DEPDC1B: variants seen among roughly 807,000 people sequenced by gnomAD.
DEPDC1B encodes the protein DEP domain-containing protein 1B.
DEPDC1B carries 51 observed loss-of-function variants against 66.5 expected under a neutral mutation model. The ratio of observed to expected loss-of-function variants is 0.77; its 90% CI spans 0.61 to 0.97. The LOEUF is 0.97. Ranked by LOEUF, DEPDC1B falls within the 50% of genes least tolerant of loss-of-function variation. DEPDC1B has a pLI of 0.00. For missense variants in DEPDC1B, 552 were observed against 637.1 expected, an observed-to-expected ratio of 0.87 and a Z score of 1.44; for synonymous variants, 226 against 223.6, an observed-to-expected ratio of 1.01 and a Z score of -0.10.
At chr5:60,687,325 T>A in intron 1 of DEPDC1B, 98 bp from the exon 2 acceptor site, 1 of 1,365,782 alleles carries the variant, frequency 7.3e-7, no homozygotes, top group Non-Finnish European at 1.0e-6. Context: ...TTTTTCCACT[T>A]AAACTGCTTT....
At chr5:60,621,445 C>T (rs1554052094) in intron 7 of DEPDC1B, among the ~76,000 whole-genome samples, 1 of 151,590 alleles carries the variant, frequency 6.6e-6, no homozygotes, top group Non-Finnish European at 1.5e-5. Flanking sequence ...ATCGCAGGGA[C>T]AAAAAACCAA....
intron 1 of DEPDC1B, among the ~76,000 whole-genome samples, chr5:60,688,104 G>C (rs13174409): frequency 1.1e-4 from 16 of 152,024 alleles, no homozygotes; most frequent in Non-Finnish European, 2.1e-4. Flanking sequence ...AGGCATTGTA[G>C]GAGGAGGAGG....
At chr5:60,647,337 A>G in intron 3 of DEPDC1B, 61 bp downstream of exon 3, 1 of 1,522,056 alleles carries the variant, frequency 6.6e-7, no homozygotes, top group Non-Finnish European at 8.8e-7. Context: ...GACCAAGCCT[A>G]GGAGTTCATG....
intron 3 of DEPDC1B, among the ~76,000 whole-genome samples, chr5:60,646,302 C>T (rs4515250): frequency 0.74 from 112,401 of 152,096 alleles, 42,642 homozygotes; most frequent in African/African-American, 0.92. Flanking sequence ...TCTACCTTTG[C>T]TTATATATTT....
At chr5:60,670,331 G>A (rs1019422829) in intron 2 of DEPDC1B, among the ~76,000 whole-genome samples, 4 of 152,214 alleles carry the variant, frequency 2.6e-5, no homozygotes, top group East Asian at 1.9e-4. Flanking sequence ...CTGAGATCGC[G>A]CCACTGCACT....
intron 1 of DEPDC1B, among the ~76,000 whole-genome samples, chr5:60,696,295 C>T (rs1754654259): frequency 6.6e-6 from 1 of 152,158 alleles, no homozygotes; most frequent in Non-Finnish European, 1.5e-5. Flanking sequence ...TCTAATAAAA[C>T]ATCTTTATCA....
At position 60,645,562 on chromosome 5, in the gene DEPDC1B, G is replaced by A. The variant is rs940459360; in HGVS notation, c.508C>T (p.Arg170Cys). ...GTCAGCTGTCTGCGGTGGACAAGAC[G>A]GCAAGCTGGCACCTCTCCAATTGCA... The part of the protein sequence containing the change: ...SIAIGEVPAC[R>C]LVHRRQLTEA... The change falls in exon 4 of 11, where the codon CGT becomes TGT. Residue 170 changes from arginine to cysteine, a missense_variant. Physicochemically the swap from Arg to Cys is radical, Grantham distance 180. Coordinates refer to ENST00000265036, the MANE Select transcript of DEPDC1B (RefSeq NM_018369.3). The A allele has an allele frequency of 2.1e-5, 34 of 1,612,694 alleles. No individual in the cohort carries two copies. Among genetic ancestry groups the A allele is most frequent in the East Asian group, 1.6e-4 (7 of 44,820 alleles).
intron 9 of DEPDC1B, among the ~76,000 whole-genome samples, chr5:60,602,872 T>C (rs866771942): frequency 2.0e-5 from 3 of 152,360 alleles, no homozygotes; most frequent in Middle Eastern, 3.4e-3. Flanking sequence ...CAGGGATTCA[T>C]GGCTCTCATG....
At chr5:60,683,587 T>C (rs1390984994) in intron 2 of DEPDC1B, among the ~76,000 whole-genome samples, 1 of 151,990 alleles carries the variant, frequency 6.6e-6, no homozygotes, top group Admixed American at 6.6e-5. Flanking sequence ...ACAAAAACTC[T>C]CCATAACTTA....
chr5:60,611,187 T>G (rs1752407935), intron 7 of DEPDC1B, among the ~76,000 whole-genome samples: 1 of 152,218 alleles, frequency 6.6e-6, no homozygotes, highest in Non-Finnish European at 1.5e-5. Flanking sequence ...TATTATGACC[T>G]ATGATCAATA....
intron 1 of DEPDC1B, among the ~76,000 whole-genome samples, chr5:60,698,672 T>TA (rs893010095): frequency 6.8e-5 from 10 of 146,042 alleles, no homozygotes; most frequent in Non-Finnish European, 1.2e-4. Context: ...CCTTATTATT[T>TA]TTTTTTTTTT....
intron 7 of DEPDC1B, among the ~76,000 whole-genome samples, chr5:60,627,620 G>A (rs1356579545): frequency 5.9e-5 from 9 of 151,912 alleles, no homozygotes; most frequent in Admixed American, 5.9e-4. Flanking sequence ...TTGCCCCAAA[G>A]GTAACTTGTT....
At position 60,599,594 on chromosome 5, in the gene DEPDC1B, C is replaced by T. The variant is rs143105792; in HGVS notation, c.1243-334G>A. On this transcript the variant is annotated intron_variant, in intron 9 of 10. Transcript: ENST00000265036. The stretch of plus-strand genomic sequence containing the variant: ...CAGCACTGTGACATGCTCGTGATGG[C>T]CTTGATGCCCATGCTGGAAGGTTGT... Among the ~76,000 whole-genome samples the T allele has an allele frequency of 7.0e-3, 1,071 of 152,292 alleles. 9 individuals carry two copies. The highest frequency in any genetic ancestry group is 0.025 in the African/African-American group (1,032 of 41,564).
chr5:60,668,257 T>TTATA (rs3989098), intron 2 of DEPDC1B, among the ~76,000 whole-genome samples: 14 of 85,822 alleles, frequency 1.6e-4, no homozygotes, highest in African/African-American at 6.0e-4. Flanking sequence ...AAAATGGATA[T>TTATA]TATATATATA....
At chr5:60,629,190 G>A (rs886375348) in intron 7 of DEPDC1B, among the ~76,000 whole-genome samples, 2 of 152,130 alleles carry the variant, frequency 1.3e-5, no homozygotes, top group African/African-American at 4.8e-5. Context: ...AATTTTTTAT[G>A]GTGAAGAGCA....
chr5:60,696,176 T>C (rs1159557879), intron 1 of DEPDC1B, among the ~76,000 whole-genome samples: 1 of 152,230 alleles, frequency 6.6e-6, no homozygotes, highest in Non-Finnish European at 1.5e-5. Context: ...CTCTTCAGCA[T>C]GAGCTTTCAA....
chr5:60,652,481 T>C (rs1450906952), intron 2 of DEPDC1B, among the ~76,000 whole-genome samples: 1 of 149,402 alleles, frequency 6.7e-6, no homozygotes, highest in African/African-American at 2.5e-5. Flanking sequence ...TTTCTGTTTA[T>C]TTCTTAGGAA....
intron 6 of DEPDC1B, among the ~76,000 whole-genome samples, chr5:60,641,761 G>A (rs1389687563): frequency 6.6e-6 from 1 of 152,000 alleles, no homozygotes; most frequent in Non-Finnish European, 1.5e-5. Context: ...TGCCTGAGCA[G>A]GAAGAAAAAA....
chr5:60,660,317 G>C (rs938611208), intron 2 of DEPDC1B, among the ~76,000 whole-genome samples: 4 of 102,492 alleles, frequency 3.9e-5, no homozygotes, highest in African/African-American at 9.3e-5. Flanking sequence ...AGAGACAAAG[G>C]GGGGGAGAGA....
Sources: allele counts gnomAD v4.1 joint callset (sites outside exome capture counted in the v4.1 genomes callset), GRCh38; gene constraint gnomAD v4.1.1; transcripts MANE v1.5; gene names NCBI Gene and HGNC (gene_info 2026-07-23, HGNC 2026-07-21).